Variants in TGM5 observed in about 807,000 individuals in gnomAD.
TGM5 encodes protein-glutamine gamma-glutamyltransferase 5.
TGM5 carries 69 observed loss-of-function variants against 77.2 expected under a neutral mutation model. The ratio of observed to expected loss-of-function variants is 0.89; its 90% confidence interval spans 0.74 to 1.09. The LOEUF is 1.09. Among genes scored for constraint, TGM5 ranks in the 50% least tolerant of loss-of-function variants. The pLI is 0.00. For missense variants in TGM5, 842 were observed against 896.5 expected (o/e 0.94, Z 0.78); for synonymous variants, 346 against 351.8 (o/e 0.98, Z 0.18).
At chr15:43,256,379 A>T (rs770124885) in intron 4 of TGM5, among the ~76,000 whole-genome samples, 189 bp downstream of exon 4, 1 of 152,112 alleles carries the variant, frequency 6.6e-6, no homozygotes, top group African/African-American at 2.4e-5. Context: ...ATCAGACATG[A>T]TCAGCAAAGA....
Position 43,234,832 on chromosome 15 carries a change from GC to G in TGM5, c.1811del (p.Ser604ThrfsTer8). ...IRISALGEEK[S>X]SPEKILVNKI... ...TGTTCACCAGGATTTTCTCAGGACT[GC>G]TTTTCTCTTCACCCAGGGCACTGAT... On this transcript the variant is annotated frameshift_variant, in exon 11 of 13. Coordinates refer to ENST00000220420, the MANE Select transcript of TGM5 (RefSeq NM_201631.4). LOFTEE classifies it high-confidence loss of function. 1 of 1,614,234 alleles carries G rather than the reference GC, an allele frequency of 6.2e-7. No homozygotes were observed. Among genetic ancestry groups the G allele is most frequent in the East Asian group, 2.2e-5 (1 of 44,884 alleles).
chr15:43,243,918 A>G (rs1029425391), intron 6 of TGM5, among the ~76,000 whole-genome samples: 2 of 152,188 alleles, frequency 1.3e-5, no homozygotes, highest in African/African-American at 2.4e-5. Flanking sequence ...TCCCAACTTT[A>G]AAGATGAGAC....
chr15:43,252,551 T>C (rs1211591563), intron 6 of TGM5, among the ~76,000 whole-genome samples: 1 of 151,926 alleles, frequency 6.6e-6, no homozygotes, highest in Non-Finnish European at 1.5e-5. Context: ...CTCCTGACCT[T>C]GGGATCCACC....
intron 4 of TGM5, 45 bp from the exon 5 acceptor site, chr15:43,253,679 G>A (rs1477305857): frequency 5.6e-6 from 9 of 1,605,508 alleles, no homozygotes; most frequent in East Asian, 4.5e-5. Flanking sequence ...TGCTTGTCAC[G>A]TGGGAGTATG....
chr15:43,241,168 C>A, intron 6 of TGM5, 178 bp from the exon 7 acceptor site: 1 of 815,698 alleles, frequency 1.2e-6, no homozygotes. Flanking sequence ...TTCTGGAGCT[C>A]ATGGGAGAGA....
intron 1 of TGM5, among the ~76,000 whole-genome samples, chr15:43,263,008 T>C (rs1314099204): frequency 6.6e-6 from 1 of 152,190 alleles, no homozygotes; most frequent in Non-Finnish European, 1.5e-5. Flanking sequence ...ATATAATTAA[T>C]AAATGAATTC....
chr15:43,260,511 T>C lies in TGM5; in HGVS notation c.79A>G (p.Thr27Ala). 3 of 1,614,154 alleles carry C rather than the reference T, an allele frequency of 1.9e-6. No individual in the cohort carries two copies. Among genetic ancestry groups the C allele is most frequent in the Non-Finnish European group, 1.7e-6 (2 of 1,180,020 alleles). ...CGGCGAACAAGCAGGTGGTCCACAG[T>C]GATCTCCTCCGTGTGGTGCCGCACA... ...NNVRHHTEEI[T>A]VDHLLVRRGQ... Residue 27 changes from threonine (T) to alanine (A), a missense_variant, in exon 2 of 13, where the codon ACT becomes GCT. By Grantham distance (58) the Thr-to-Ala change is moderately conservative (BLOSUM62 0). Around this residue, in one of 2 missense-constraint regions of TGM5, gnomAD observed 815 missense variants for 844.6 expected, o/e 0.96. Transcript: ENST00000220420.
rs151049659 is a variant in TGM5 at position 43,260,006 on chromosome 15, A to G, written c.436+46T>C. 8.4e-3 allele frequency: 13,490 copies of G among 1,611,538 alleles called. 105 individuals carry two copies. Among genetic ancestry groups the G allele is most frequent in the Middle Eastern group, 0.031 (139 of 4,548 alleles). ...CCCTTGAGCCTGTCTCTCTGGCAGC[A>G]CTGACAGAAGAGAAAGGAGGGCACC... On this transcript the variant is annotated intron_variant, in intron 3 of 12. Transcript: ENST00000220420.
At chr15:43,261,239 G>A (rs2042788857) in intron 1 of TGM5, among the ~76,000 whole-genome samples, 1 of 151,712 alleles carries the variant, frequency 6.6e-6, no homozygotes. Context: ...ACAGGCGCCC[G>A]CCACCATGCC....
chr15:43,241,611 C>A (rs2042636713), intron 6 of TGM5, among the ~76,000 whole-genome samples: 2 of 152,050 alleles, frequency 1.3e-5, no homozygotes, highest in Admixed American at 6.6e-5. Context: ...TTCCTGGGGG[C>A]CATGCATTCT....
chr15:43,235,397 C>A, intron 10 of TGM5, 72 bp downstream of exon 10: 2 of 1,607,822 alleles, frequency 1.2e-6, no homozygotes, highest in Non-Finnish European at 1.7e-6. Context: ...CCCCCAGAAC[C>A]CTGTTGGCTG....
Position 43,254,940 on chromosome 15 carries a change from T to C in TGM5, c.556-1306A>G, listed in dbSNP as rs568353174. Among the ~76,000 whole-genome samples the C allele has an allele frequency of 3.3e-5, 5 of 152,244 alleles. No homozygotes were observed. The South Asian group carries it at 8.3e-4, about 25-fold the overall frequency. ...TTATGTGTCTGAGTCCGCATTACAC[T>C]GTAAGATCAGGGACAATGTTGTATT... On this transcript the variant is annotated intron_variant, in intron 4 of 12. Transcript: ENST00000220420.
intron 6 of TGM5, among the ~76,000 whole-genome samples, chr15:43,241,946 CTCTTT>C (rs1468679465): frequency 2.6e-5 from 4 of 152,118 alleles, no homozygotes; most frequent in Non-Finnish European, 5.9e-5. Context: ...GGCCTCTGTG[CTCTTT>C]TAAGTACAGG....
chr15:43,253,434 G>C, intron 5 of TGM5, 72 bp downstream of exon 5: 1 of 1,595,936 alleles, frequency 6.3e-7, no homozygotes, highest in Non-Finnish European at 8.5e-7. Context: ...ACCCACTGCA[G>C]GGGGCAACTG....
intron 6 of TGM5, among the ~76,000 whole-genome samples, chr15:43,251,770 C>T (rs2042705155): frequency 6.6e-6 from 1 of 152,240 alleles, no homozygotes; most frequent in African/African-American, 2.4e-5. Flanking sequence ...TATCACTCCC[C>T]TCATGATTTC....
At chr15:43,255,884 C>T (rs938194060) in intron 4 of TGM5, among the ~76,000 whole-genome samples, 7 of 152,152 alleles carry the variant, frequency 4.6e-5, no homozygotes, top group Admixed American at 2.0e-4. Context: ...TATAAAGTAG[C>T]GTTTTAGAAT....
chr15:43,255,333 C>T (rs1243441892), intron 4 of TGM5, among the ~76,000 whole-genome samples: 1 of 151,934 alleles, frequency 6.6e-6, no homozygotes, highest in Non-Finnish European at 1.5e-5. Flanking sequence ...GACCATGTCT[C>T]AAAAACAAAA....
At position 43,251,660 on chromosome 15, in the gene TGM5, G is replaced by A. The variant is rs1243590084; in HGVS notation, c.862+1099C>T. On this transcript the variant is annotated intron_variant, in intron 6 of 12. Coordinates refer to ENST00000220420, the MANE Select transcript of TGM5 (RefSeq NM_201631.4). Reference sequence around the variant, plus strand: ...GCCAAGAGGCCGAGAGCAGGCCTGGGTGTGGGGCAGGGTGAGGGTGAGGAC... The same window carrying A: ...GCCAAGAGGCCGAGAGCAGGCCTGGATGTGGGGCAGGGTGAGGGTGAGGAC... 2.6e-5 allele frequency among the ~76,000 whole-genome samples: 4 copies of A among 152,304 alleles called. No homozygotes were observed. In the East Asian group the frequency reaches 7.7e-4, roughly 29 times the overall value.
At chr15:43,265,628 T>C (rs1219270901) in intron 1 of TGM5, among the ~76,000 whole-genome samples, 1 of 152,170 alleles carries the variant, frequency 6.6e-6, no homozygotes, top group Non-Finnish European at 1.5e-5. Context: ...GAGAGGAGAA[T>C]GGGGTGAGAT....
Sources: gnomAD v4.1 joint callset for allele counts (sites outside exome capture counted in the v4.1 genomes callset) on GRCh38, gnomAD v4.1.1 for gene constraint, gnomAD v4.1.1 regional missense constraint, MANE v1.5 for transcripts, NCBI Gene and HGNC (gene_info 2026-07-23, HGNC 2026-07-21) for gene names.